Variants in SHISA9 observed in about 807,000 individuals in gnomAD.
SHISA9 encodes the protein protein shisa-9.
Under a neutral mutation model 38.0 loss-of-function variants are expected in SHISA9, and 13 were observed. The ratio of observed to expected loss-of-function variants is 0.34; its 90% CI spans 0.22 to 0.54. The LOEUF (loss-of-function observed/expected upper bound fraction) is 0.54. Among genes scored for constraint, SHISA9 ranks in the 20% least tolerant of loss-of-function variants. The pLI is 0.91. For synonymous variants in SHISA9, 275 were observed against 242.0 expected (o/e 1.14, Z -1.27); for missense variants, 538 against 575.8 (o/e 0.93, Z 0.67).
intron 4 of SHISA9, among the ~76,000 whole-genome samples, chr16:13,229,385 AC>A (rs1207970379): frequency 1.3e-5 from 2 of 152,132 alleles, no homozygotes; most frequent in Non-Finnish European, 2.9e-5. Context: ...AGGGAGAGGG[AC>A]CTCAGGGGAG....
chr16:13,316,495 T>G, the SHISA9 span, among the ~76,000 whole-genome samples: 1 of 152,210 alleles, frequency 6.6e-6, no homozygotes, highest in Non-Finnish European at 1.5e-5. Context: ...CATGGAATTC[T>G]GATGTGCTAC....
chr16:13,293,245 C>T, the SHISA9 span, among the ~76,000 whole-genome samples: 16 of 152,268 alleles, frequency 1.1e-4, no homozygotes, highest in Middle Eastern at 3.4e-3. Context: ...CACGCACGCG[C>T]GCAAACACAC....
At chr16:13,185,121 C>CT (rs554932920) in intron 2 of SHISA9, among the ~76,000 whole-genome samples, 177 of 152,092 alleles carry the variant, frequency 1.2e-3, no homozygotes, top group African/African-American at 3.8e-3. Context: ...TTCTGTTTTG[C>CT]TTTTTTTGGT....
chr16:13,031,321 C>A (rs886932672), intron 2 of SHISA9, among the ~76,000 whole-genome samples: 2 of 152,150 alleles, frequency 1.3e-5, no homozygotes, highest in African/African-American at 4.8e-5. Flanking sequence ...GGGAACTGAA[C>A]GAGCTCTGTT....
chr16:13,131,248 T>C (rs1316093408), intron 2 of SHISA9, among the ~76,000 whole-genome samples: 1 of 151,942 alleles, frequency 6.6e-6, no homozygotes, highest in African/African-American at 2.4e-5. Context: ...ATAAAGAAAA[T>C]GTAAAAAATA....
Position 13,112,524 on chromosome 16 carries a change from C to T in SHISA9, c.692-90870C>T, listed in dbSNP as rs138217535. 3.9e-5 allele frequency among the ~76,000 whole-genome samples: 6 copies of T among 152,224 alleles called. 1 individual carries two copies. The highest frequency in any genetic ancestry group is 3.9e-4 in the East Asian group (2 of 5,188). On this transcript the variant is annotated intron_variant, in intron 2 of 4. Coordinates refer to ENST00000558583, the MANE Select transcript of SHISA9 (RefSeq NM_001145204.3). ...TCCAAATATGCATTCTGGGACCCCA[C>T]GCCACAGCTACTGAATCAACTGGAA...
rs905681635 is a variant in SHISA9 at position 13,115,756 on chromosome 16, T to C, written c.692-87638T>C. Reference sequence around the variant, plus strand: ...ACTAAACCTGGCCAAGAATAACTGGTAAGCCCATTATACTGGTTCATACCA... The same window carrying C: ...ACTAAACCTGGCCAAGAATAACTGGCAAGCCCATTATACTGGTTCATACCA... On this transcript the variant is annotated intron_variant, in intron 2 of 4. Transcript: ENST00000558583. 5.3e-5 allele frequency among the ~76,000 whole-genome samples: 8 copies of C among 152,330 alleles called. 1 individual carries two copies. The highest frequency in any genetic ancestry group is 5.2e-4 in the Admixed American group (8 of 15,306).
At chr16:13,515,315 A>G in the SHISA9 span, among the ~76,000 whole-genome samples, 1 of 152,230 alleles carries the variant, frequency 6.6e-6, no homozygotes, top group Non-Finnish European at 1.5e-5. Flanking sequence ...CTCAGGCAGA[A>G]GAAACATGGT....
the SHISA9 span, among the ~76,000 whole-genome samples, chr16:13,406,154 T>A: frequency 6.6e-6 from 1 of 152,122 alleles, no homozygotes; most frequent in Non-Finnish European, 1.5e-5. Context: ...TTTGCAAAAA[T>A]TCACCAAAAG....
At chr16:12,996,388 G>A (rs1057233246) in intron 2 of SHISA9, among the ~76,000 whole-genome samples, 2 of 152,170 alleles carry the variant, frequency 1.3e-5, no homozygotes, top group African/African-American at 4.8e-5. Context: ...CCTTTAAACA[G>A]GGCTCTGTTC....
At chr16:13,530,957 C>T in the SHISA9 span, among the ~76,000 whole-genome samples, 1 of 152,162 alleles carries the variant, frequency 6.6e-6, no homozygotes, top group Non-Finnish European at 1.5e-5. Context: ...GTCTGATCTC[C>T]ACATGATGCC....
chr16:13,321,934 AT>A, the SHISA9 span, among the ~76,000 whole-genome samples: 1 of 152,214 alleles, frequency 6.6e-6, no homozygotes, highest in African/African-American at 2.4e-5. Context: ...TAAACAACAT[AT>A]TTTTTAAAGT....
At chr16:13,284,551 C>T in the SHISA9 span, among the ~76,000 whole-genome samples, 1 of 152,130 alleles carries the variant, frequency 6.6e-6, no homozygotes, top group Non-Finnish European at 1.5e-5. Context: ...ACCTGGTCAG[C>T]TCTTTCTTTA....
intron 2 of SHISA9, among the ~76,000 whole-genome samples, chr16:13,150,030 TAAAA>T (rs35012437): frequency 5.9e-5 from 4 of 67,674 alleles, no homozygotes; most frequent in East Asian, 1.1e-3. Flanking sequence ...TCCTCATCAT[TAAAA>T]AAAAAAAAAA....
intron 2 of SHISA9, among the ~76,000 whole-genome samples, chr16:12,945,920 C>T (rs1355897416): frequency 6.6e-6 from 1 of 152,168 alleles, no homozygotes; most frequent in African/African-American, 2.4e-5. Flanking sequence ...TTGAGACTAG[C>T]CTGGCCAACA....
At chr16:13,001,009 A>C (rs950228947) in intron 2 of SHISA9, among the ~76,000 whole-genome samples, 39 of 151,674 alleles carry the variant, frequency 2.6e-4, no homozygotes, top group Non-Finnish European at 4.4e-4. Flanking sequence ...CTCACTGCCA[A>C]CTCCGCGTCC....
chr16:13,154,088 C>T (rs2050522414), intron 2 of SHISA9, among the ~76,000 whole-genome samples: 1 of 152,070 alleles, frequency 6.6e-6, no homozygotes, highest in African/African-American at 2.4e-5. Context: ...AGGGAATTAC[C>T]GTTTATTAAG....
chr16:13,383,197 G>C, the SHISA9 span, among the ~76,000 whole-genome samples: 1 of 152,224 alleles, frequency 6.6e-6, no homozygotes, highest in East Asian at 1.9e-4. Context: ...TATTTTACGA[G>C]AGTGGTTAAG....
the SHISA9 span, among the ~76,000 whole-genome samples, chr16:13,391,695 G>A: frequency 5.9e-4 from 90 of 152,212 alleles, 1 homozygote; most frequent in Middle Eastern, 6.8e-3. Flanking sequence ...AATATTTTTG[G>A]AGGCCCCCAG....
Sources: allele counts gnomAD v4.1 joint callset (sites outside exome capture counted in the v4.1 genomes callset), GRCh38; gene constraint gnomAD v4.1.1; transcripts MANE v1.5; gene names NCBI Gene and HGNC (gene_info 2026-07-23, HGNC 2026-07-21).